HMGA2: variants seen among roughly 807,000 people sequenced by gnomAD.
HMGA2 encodes the protein high mobility group AT-hook 2.
HMGA2 carries 8 observed loss-of-function variants against 19.1 expected under a neutral mutation model. The observed-to-expected ratio is 0.42, with a 90% CI of 0.25 to 0.76. HMGA2 has a LOEUF of 0.76. Ranked by LOEUF, HMGA2 falls within the 30% of genes least tolerant of loss-of-function variation. The pLI is 0.28. For missense variants in HMGA2, 109 were observed against 136.3 expected (o/e 0.80, Z 1.00); for synonymous variants, 60 against 48.8 (o/e 1.23, Z -0.96).
rs903654844 is a variant in HMGA2, at chr12:65,871,623, A to G, written c.249+33054A>G. Reference sequence around the variant, plus strand: ...AGCAGAAAATGTTTTCTCCATTACTATATCCCCTTCCTATGGGGATTCTGA... The same window carrying G: ...AGCAGAAAATGTTTTCTCCATTACTGTATCCCCTTCCTATGGGGATTCTGA... On this transcript the variant is annotated intron_variant, in intron 3 of 4. Coordinates refer to ENST00000403681, the MANE Select transcript of HMGA2 (RefSeq NM_003483.6). 4.6e-5 allele frequency among the ~76,000 whole-genome samples: 7 copies of G among 152,186 alleles called. No homozygotes were observed. The South Asian group carries it at 6.2e-4, about 14-fold the overall frequency.
chr12:65,916,933 A>G (rs1659924209), intron 3 of HMGA2, among the ~76,000 whole-genome samples: 1 of 152,190 alleles, frequency 6.6e-6, no homozygotes, highest in Non-Finnish European at 1.5e-5. Context: ...CTTTGGGTGG[A>G]GAGAGAATAA....
intron 3 of HMGA2, among the ~76,000 whole-genome samples, chr12:65,896,322 G>T (rs1370442315): frequency 6.6e-6 from 1 of 152,214 alleles, no homozygotes; most frequent in Non-Finnish European, 1.5e-5. Flanking sequence ...ATTTTTCTCA[G>T]CTACAAAGGC....
intron 3 of HMGA2, among the ~76,000 whole-genome samples, chr12:65,901,257 A>C (rs1269134626): frequency 1.3e-5 from 2 of 152,280 alleles, no homozygotes; most frequent in Non-Finnish European, 2.9e-5. Context: ...CAGCCTTTAC[A>C]TTATAAATAG....
chr12:65,899,822 T>C (rs1466702171), intron 3 of HMGA2, among the ~76,000 whole-genome samples: 2 of 152,244 alleles, frequency 1.3e-5, no homozygotes, highest in African/African-American at 4.8e-5. Context: ...TTAGGAAAGC[T>C]GATATTTTTA....
intron 3 of HMGA2, among the ~76,000 whole-genome samples, chr12:65,895,105 A>G (rs1874071465): frequency 6.6e-6 from 1 of 152,232 alleles, no homozygotes; most frequent in African/African-American, 2.4e-5. Context: ...GAAAAATGTT[A>G]GTGAATAGCT....
At chr12:65,855,699 AGAT>A (rs3048830) in intron 3 of HMGA2, among the ~76,000 whole-genome samples, 96 of 148,646 alleles carry the variant, frequency 6.5e-4, no homozygotes, top group South Asian at 1.3e-3. Context: ...ACCAGAACAC[AGAT>A]GATGATGATG....
intron 3 of HMGA2, among the ~76,000 whole-genome samples, chr12:65,890,883 C>T (rs1309631486): frequency 2.0e-5 from 3 of 151,980 alleles, no homozygotes; most frequent in Non-Finnish European, 4.4e-5. Flanking sequence ...ATCACCGTGC[C>T]CGGCTTTTTT....
At chr12:65,851,978 C>A (rs1001066096) in intron 3 of HMGA2, among the ~76,000 whole-genome samples, 1 of 151,866 alleles carries the variant, frequency 6.6e-6, no homozygotes, top group African/African-American at 2.4e-5. Flanking sequence ...GTCTTCCTGT[C>A]TGGGTTGTGG....
intron 3 of HMGA2, among the ~76,000 whole-genome samples, chr12:65,885,760 A>G (rs1257494896): frequency 6.6e-6 from 1 of 152,238 alleles, no homozygotes; most frequent in Non-Finnish European, 1.5e-5. Context: ...AATAATAACA[A>G]CAATGATAAG....
At chr12:65,868,197 A>G (rs1460126) in intron 3 of HMGA2, among the ~76,000 whole-genome samples, 40,172 of 152,156 alleles carry the variant, frequency 0.26, 10,622 homozygotes, top group African/African-American at 0.68. Flanking sequence ...TAACATCTCA[A>G]GGGGAAACTA....
In HMGA2 at chr12:65,964,701, A is replaced by G. The variant is rs1042550677; in HGVS notation, c.*1409A>G. ...TTACAGTTAAAGAAGCAATCTCCTT[A>G]CTGTGTTTCAGCATGACTATGTATT... is the stretch of plus-strand genomic sequence containing the variant. On this transcript the variant is annotated 3_prime_UTR_variant, in exon 5 of 5. Coordinates refer to ENST00000403681, the MANE Select transcript of HMGA2 (RefSeq NM_003483.6). 2 of 202,610 alleles carry G rather than the reference A, an allele frequency of 9.9e-6. No individual in the cohort carries two copies. The highest frequency in any genetic ancestry group is 2.0e-5 in the Non-Finnish European group (2 of 98,620). 12.6% of individuals were successfully genotyped at this position (202,610 alleles called of 1,614,324 possible).
At chr12:65,879,387 C>T (rs1337070701) in intron 3 of HMGA2, among the ~76,000 whole-genome samples, 2 of 152,114 alleles carry the variant, frequency 1.3e-5, no homozygotes, top group Admixed American at 6.5e-5. Flanking sequence ...CCTTGGCCCC[C>T]GCAAAGTGCT....
At chr12:65,922,387 C>T (rs902875119) in intron 3 of HMGA2, among the ~76,000 whole-genome samples, 2 of 152,172 alleles carry the variant, frequency 1.3e-5, no homozygotes, top group Non-Finnish European at 2.9e-5. Context: ...CAAAGGAGAT[C>T]GCTTTGGAGC....
intron 3 of HMGA2, among the ~76,000 whole-genome samples, chr12:65,883,888 G>T (rs112983448): frequency 6.6e-6 from 1 of 152,142 alleles, no homozygotes; most frequent in East Asian, 1.9e-4. Context: ...AGTTTGAGAC[G>T]CAGTCTCACT....
intron 3 of HMGA2, among the ~76,000 whole-genome samples, chr12:65,899,164 C>T (rs960643353): frequency 1.3e-5 from 2 of 150,502 alleles, no homozygotes; most frequent in Non-Finnish European, 2.9e-5. Flanking sequence ...TGACTGTGTT[C>T]ATCCTATTTT....
At chr12:65,842,579 T>A (rs548136020) in intron 3 of HMGA2, 6 of 1,521,974 alleles carry the variant, frequency 3.9e-6, no homozygotes, top group Non-Finnish European at 5.3e-6. Context: ...TTTAATTCTC[T>A]TTGCTATTAA....
intron 3 of HMGA2, among the ~76,000 whole-genome samples, chr12:65,874,630 A>G (rs901648139): frequency 6.6e-6 from 1 of 152,204 alleles, no homozygotes; most frequent in African/African-American, 2.4e-5. Flanking sequence ...CTGCTTTATA[A>G]TAAGCAGCTT....
At chr12:65,924,971 GT>G (rs1256465699) in intron 3 of HMGA2, among the ~76,000 whole-genome samples, 1 of 152,062 alleles carries the variant, frequency 6.6e-6, no homozygotes, top group Non-Finnish European at 1.5e-5. Flanking sequence ...GAAACCATAT[GT>G]TCTGAGGTAA....
At chr12:65,883,356 A>C (rs1373180319) in intron 3 of HMGA2, among the ~76,000 whole-genome samples, 1 of 152,218 alleles carries the variant, frequency 6.6e-6, no homozygotes, top group Non-Finnish European at 1.5e-5. Flanking sequence ...TCACTTGTTA[A>C]AGATAAGGAT....
Sources: allele counts gnomAD v4.1 joint callset (sites outside exome capture counted in the v4.1 genomes callset), GRCh38; gene constraint gnomAD v4.1.1; transcripts MANE v1.5; gene names NCBI Gene and HGNC (gene_info 2026-07-23, HGNC 2026-07-21).